Variants in TJP1 observed in about 807,000 individuals in gnomAD.
The protein encoded by TJP1 is tight junction protein ZO-1.
A neutral mutation model predicts 194.2 loss-of-function variants in TJP1; 43 were observed. The ratio of observed to expected loss-of-function variants is 0.22; its 90% CI spans 0.17 to 0.29. TJP1 has a LOEUF of 0.29. Among genes scored for constraint, TJP1 ranks in the 10% least tolerant of loss-of-function variants. The pLI is 1.00. For missense variants in TJP1, 1,971 were observed against 2,185.7 expected (o/e 0.90, Z 1.96); for synonymous variants, 801 against 779.0 (o/e 1.03, Z -0.47).
At chr15:29,787,307 C>T (rs932027756) in intron 2 of TJP1, among the ~76,000 whole-genome samples, 2 of 152,036 alleles carry the variant, frequency 1.3e-5, no homozygotes, top group Non-Finnish European at 2.9e-5. Flanking sequence ...TTTAAAGAAC[C>T]ATAGGTCTAA....
intron 2 of TJP1, among the ~76,000 whole-genome samples, chr15:29,783,587 C>T (rs1292389916): frequency 5.3e-5 from 8 of 152,186 alleles, no homozygotes; most frequent in South Asian, 4.2e-4. Flanking sequence ...TGCCCATCAA[C>T]GAAAGACTAG....
At chr15:29,708,289 A>G (rs1943790974) in intron 25 of TJP1, among the ~76,000 whole-genome samples, 1 of 152,168 alleles carries the variant, frequency 6.6e-6, no homozygotes, top group South Asian at 2.1e-4. Flanking sequence ...CCCTGGGCAA[A>G]CTGCTTACTG....
chr15:29,882,996 C>CT (rs2052992135), intron 2 of TJP1, among the ~76,000 whole-genome samples: 2 of 152,112 alleles, frequency 1.3e-5, no homozygotes, highest in South Asian at 4.1e-4. Context: ...TACTTAAATT[C>CT]TTTTAAAAAG....
At chr15:29,884,730 G>A (rs2053056984) in intron 2 of TJP1, among the ~76,000 whole-genome samples, 1 of 152,184 alleles carries the variant, frequency 6.6e-6, no homozygotes, top group African/African-American at 2.4e-5. Context: ...AGCAGTTTAA[G>A]TTTACAACTG....
At chr15:29,884,692 C>T (rs753961160) in intron 2 of TJP1, among the ~76,000 whole-genome samples, 7 of 152,148 alleles carry the variant, frequency 4.6e-5, no homozygotes, top group Non-Finnish European at 1.0e-4. Flanking sequence ...TCATTGAATG[C>T]CTGCACTACC....
At chr15:29,964,929 T>C (rs187542273) in intron 1 of TJP1, among the ~76,000 whole-genome samples, 1 of 152,276 alleles carries the variant, frequency 6.6e-6, no homozygotes, top group African/African-American at 2.4e-5. Context: ...TCCACCTAAG[T>C]TGGTCTGCAA....
chr15:29,719,358 T>C (rs2042790036), intron 20 of TJP1, among the ~76,000 whole-genome samples: 1 of 152,174 alleles, frequency 6.6e-6, no homozygotes, highest in Non-Finnish European at 1.5e-5. Flanking sequence ...ATGTACTAAA[T>C]AAACAGTGAG....
At chr15:29,738,954 G>A (rs955952377) in intron 10 of TJP1, among the ~76,000 whole-genome samples, 2 of 151,868 alleles carry the variant, frequency 1.3e-5, no homozygotes, top group Non-Finnish European at 2.9e-5. Flanking sequence ...TGAGGTGGGA[G>A]GATTCCTCGA....
intron 9 of TJP1, among the ~76,000 whole-genome samples, chr15:29,742,207 A>G (rs1322979327): frequency 6.6e-6 from 1 of 151,884 alleles, no homozygotes; most frequent in Admixed American, 6.6e-5. Flanking sequence ...CGAGCTAATC[A>G]CACCACTGCA....
intron 2 of TJP1, among the ~76,000 whole-genome samples, chr15:29,830,592 G>T (rs2050807662): frequency 6.6e-6 from 1 of 151,340 alleles, no homozygotes; most frequent in South Asian, 2.1e-4. Flanking sequence ...TAGAAACCAA[G>T]ATTTTCTGTT....
intron 1 of TJP1, 35 bp downstream of exon 1, chr15:29,821,967 C>T (rs1236170491): frequency 1.6e-6 from 2 of 1,241,402 alleles, no homozygotes; most frequent in Admixed American, 4.2e-5. Flanking sequence ...CGACGGTCGG[C>T]CCGGTCTGGC....
chr15:29,764,699 A>G (rs1326581582), intron 5 of TJP1, among the ~76,000 whole-genome samples: 1 of 152,246 alleles, frequency 6.6e-6, no homozygotes, highest in Non-Finnish European at 1.5e-5. Flanking sequence ...AACTGGATCA[A>G]TAGAAACACA....
At chr15:29,749,103 T>C (rs2045055869) in intron 8 of TJP1, among the ~76,000 whole-genome samples, 2 of 151,976 alleles carry the variant, frequency 1.3e-5, no homozygotes, top group African/African-American at 4.8e-5. Flanking sequence ...GATCCTCTTA[T>C]GGGCACTTTT....
chr15:29,801,916 C>CT (rs139249162), intron 1 of TJP1, among the ~76,000 whole-genome samples: 3,476 of 151,812 alleles, frequency 0.023, 41 homozygotes, highest in Middle Eastern at 0.044. Flanking sequence ...AAAAAAATCT[C>CT]ATAATGTTGT....
At chr15:29,940,577 G>C (rs1010828356) in intron 2 of TJP1, among the ~76,000 whole-genome samples, 1 of 152,126 alleles carries the variant, frequency 6.6e-6, no homozygotes, top group African/African-American at 2.4e-5. Flanking sequence ...TTACGTGTGT[G>C]TGCATACAGA....
At chr15:29,756,062 C>A (rs1238465500) in intron 8 of TJP1, among the ~76,000 whole-genome samples, 1 of 152,002 alleles carries the variant, frequency 6.6e-6, no homozygotes, top group East Asian at 1.9e-4. Context: ...TCTAACCAAG[C>A]AGAGGCCTAG....
At chr15:29,956,731 A>G (rs918721750) in intron 1 of TJP1, among the ~76,000 whole-genome samples, 1 of 152,132 alleles carries the variant, frequency 6.6e-6, no homozygotes, top group African/African-American at 2.4e-5. Context: ...ACACACACGA[A>G]TAAAAAAATT....
chr15:29,709,135 T>A, intron 24 of TJP1, 99 bp from the exon 25 acceptor site: 1 of 1,158,372 alleles, frequency 8.6e-7, no homozygotes, highest in Admixed American at 2.3e-5. Flanking sequence ...GAGGCCCAAA[T>A]GTGGGTCGCA....
chr15:29,887,875 G>A (rs1211152257), intron 2 of TJP1, among the ~76,000 whole-genome samples: 1 of 152,098 alleles, frequency 6.6e-6, no homozygotes, highest in Non-Finnish European at 1.5e-5. Context: ...ACAAGCTTTG[G>A]GGAAGGCAAT....
Sources: gnomAD v4.1 joint callset for allele counts (sites outside exome capture counted in the v4.1 genomes callset) on GRCh38, gnomAD v4.1.1 for gene constraint, MANE v1.5 for transcripts, NCBI Gene and HGNC (gene_info 2026-07-23, HGNC 2026-07-21) for gene names.